BANK1: variants seen among roughly 807,000 people sequenced by gnomAD.
BANK1 encodes B-cell scaffold protein with ankyrin repeats.
BANK1 carries 95 observed loss-of-function variants against 94.5 expected under a neutral mutation model. That is an observed-to-expected ratio of 1.00 (90% confidence interval 0.85 to 1.19). The LOEUF is 1.19. Among genes scored for constraint, BANK1 ranks in the 50% most tolerant of loss-of-function variants. The pLI, the probability that BANK1 is intolerant of heterozygous loss-of-function variation, is 0.00. For missense variants in BANK1, 987 were observed against 932.2 expected, an observed-to-expected ratio of 1.06 and a Z score of -0.77; for synonymous variants, 334 against 308.4, an observed-to-expected ratio of 1.08 and a Z score of -0.87.
chr4:101,962,278 G>A (rs983559862), intron 7 of BANK1, among the ~76,000 whole-genome samples: 7 of 152,084 alleles, frequency 4.6e-5, no homozygotes, highest in African/African-American at 1.7e-4. Flanking sequence ...TGCAGACCAA[G>A]TTTTCCCCCA....
chr4:102,021,644 A>G (rs770704972), intron 8 of BANK1, 52 bp downstream of exon 8: 2 of 733,856 alleles, frequency 2.7e-6, no homozygotes, highest in South Asian at 7.4e-5. Context: ...TATATATCAC[A>G]TATATATGTG....
chr4:101,961,554 T>G (rs914497217), intron 7 of BANK1, among the ~76,000 whole-genome samples: 4 of 152,216 alleles, frequency 2.6e-5, no homozygotes, highest in African/African-American at 9.6e-5. Context: ...CTCCTCATTG[T>G]CAGTTTCCCT....
chr4:102,029,786 G>A (rs1422971900), intron 9 of BANK1, among the ~76,000 whole-genome samples, 174 bp from the exon 10 acceptor site: 1 of 151,938 alleles, frequency 6.6e-6, no homozygotes, highest in African/African-American at 2.4e-5. Flanking sequence ...CACTTTTTCT[G>A]CATTTAGGGG....
intron 7 of BANK1, among the ~76,000 whole-genome samples, chr4:101,944,464 A>G (rs1723865500): frequency 1.3e-5 from 2 of 151,818 alleles, no homozygotes; most frequent in Non-Finnish European, 1.5e-5. Flanking sequence ...CACCATCCAT[A>G]TCTCAGCTTA....
At chr4:101,998,757 CCACAAAAG>C (rs1725964024) in intron 7 of BANK1, among the ~76,000 whole-genome samples, 2 of 152,048 alleles carry the variant, frequency 1.3e-5, no homozygotes, top group Admixed American at 1.3e-4. Context: ...TATTGTGATG[CCACAAAAG>C]CACACACATT....
intron 11 of BANK1, among the ~76,000 whole-genome samples, chr4:102,057,260 TTC>T (rs900964613): frequency 1.4e-5 from 2 of 145,000 alleles, no homozygotes; most frequent in South Asian, 2.3e-4. Context: ...CTCTTTCTCT[TTC>T]TCTCTCTCTC....
intron 12 of BANK1, among the ~76,000 whole-genome samples, chr4:102,061,196 T>C (rs1728407487): frequency 1.3e-5 from 2 of 152,186 alleles, no homozygotes; most frequent in Non-Finnish European, 2.9e-5. Flanking sequence ...TCCCAAGAGA[T>C]AATTTTTGTT....
intron 11 of BANK1, among the ~76,000 whole-genome samples, chr4:102,051,607 ACTGT>A (rs541479826): frequency 2.0e-4 from 31 of 152,318 alleles, no homozygotes; most frequent in African/African-American, 4.6e-4. Context: ...GTCTACCCCT[ACTGT>A]CTATGAAACA....
intron 11 of BANK1, among the ~76,000 whole-genome samples, chr4:102,054,153 T>C (rs1259747146): frequency 2.0e-5 from 3 of 147,702 alleles, no homozygotes; most frequent in African/African-American, 7.7e-5. Context: ...TTATGAGATA[T>C]TATTTTCCTT....
At chr4:101,865,798 A>C (rs764127581) in intron 4 of BANK1, among the ~76,000 whole-genome samples, 2 of 152,048 alleles carry the variant, frequency 1.3e-5, no homozygotes, top group Non-Finnish European at 2.9e-5. Context: ...AAAAAAGCAA[A>C]CAACCAACCA....
intron 7 of BANK1, among the ~76,000 whole-genome samples, chr4:101,923,083 A>G (rs915769616): frequency 4.6e-5 from 7 of 151,864 alleles, no homozygotes; most frequent in African/African-American, 1.7e-4. Flanking sequence ...CCTTGGAAAA[A>G]ATAATTCCTC....
At chr4:101,950,060 T>TGTGTGC (rs369393040) in intron 7 of BANK1, among the ~76,000 whole-genome samples, 2,678 of 139,260 alleles carry the variant, frequency 0.019, 74 homozygotes, top group African/African-American at 0.079. Flanking sequence ...TGTGTGTGTG[T>TGTGTGC]GCGCGTGCGC....
intron 7 of BANK1, among the ~76,000 whole-genome samples, chr4:101,921,554 T>A (rs1416328470): frequency 6.6e-6 from 1 of 151,886 alleles, no homozygotes; most frequent in East Asian, 1.9e-4. Context: ...ATAAATAATA[T>A]TTGCTTGTAT....
intron 1 of BANK1, among the ~76,000 whole-genome samples, chr4:101,822,063 A>G (rs185867083): frequency 2.0e-5 from 3 of 152,260 alleles, no homozygotes; most frequent in African/African-American, 7.2e-5. Flanking sequence ...TGGAGAAATG[A>G]GAAGCACTTG....
At chr4:101,838,576 C>A (rs1253050851) in intron 2 of BANK1, among the ~76,000 whole-genome samples, 4 of 152,094 alleles carry the variant, frequency 2.6e-5, no homozygotes, top group Non-Finnish European at 5.9e-5. Flanking sequence ...TGTTAAAGGG[C>A]AGAAACTATG....
chr4:101,907,861 C>CCT (rs1328930010), intron 6 of BANK1, among the ~76,000 whole-genome samples: 1 of 152,090 alleles, frequency 6.6e-6, no homozygotes, highest in Admixed American at 6.6e-5. Flanking sequence ...ATGTGAAGGA[C>CCT]CTCTTCAAGG....
intron 5 of BANK1, 106 bp from the exon 6 acceptor site, chr4:101,895,199 T>G (rs1578383677): frequency 1.8e-6 from 1 of 569,820 alleles, no homozygotes; most frequent in African/African-American, 2.0e-5. Flanking sequence ...TACTAAAGAT[T>G]AGCCATTGTT....
intron 10 of BANK1, among the ~76,000 whole-genome samples, chr4:102,041,488 C>T (rs972432455): frequency 1.3e-5 from 2 of 151,948 alleles, no homozygotes; most frequent in Admixed American, 6.6e-5. Flanking sequence ...ATGCTAATTG[C>T]TAGTTGTTTT....
intron 15 of BANK1, 85 bp from the exon 16 acceptor site, chr4:102,073,599 C>T (rs112193413): frequency 2.4e-6 from 3 of 1,262,702 alleles, no homozygotes; most frequent in African/African-American, 1.5e-5. Context: ...TGAAAGGCAA[C>T]TATAACTTTG....
Sources: gnomAD v4.1 joint callset for allele counts (sites outside exome capture counted in the v4.1 genomes callset) on GRCh38, gnomAD v4.1.1 for gene constraint, MANE v1.5 for transcripts, NCBI Gene and HGNC (gene_info 2026-07-23, HGNC 2026-07-21) for gene names.